Variants in TJP1 observed in about 807,000 individuals in gnomAD.
The protein encoded by TJP1 is tight junction protein ZO-1.
TJP1 carries 43 observed loss-of-function variants against 194.2 expected under a neutral mutation model. That is an observed-to-expected ratio of 0.22 (90% CI 0.17 to 0.29). TJP1 has a LOEUF of 0.29. Ranked by LOEUF, TJP1 falls within the 10% of genes least tolerant of loss-of-function variation. The pLI is 1.00. For missense variants in TJP1, 1,971 were observed against 2,185.7 expected (o/e 0.90, Z 1.96); for synonymous variants, 801 against 779.0 (o/e 1.03, Z -0.47).
rs368275922 is a variant in TJP1 at position 29,880,869 on chromosome 15, A to G, written c.306+75363T>C. ...TGATGGACAGGTGGGTTGTTTCTATATCTTGGCTATTATGAATAATGCCGC... is the reference window on the plus strand; with the variant it reads ...TGATGGACAGGTGGGTTGTTTCTATGTCTTGGCTATTATGAATAATGCCGC... On this transcript the variant is annotated intron_variant, in intron 2 of 28. Transcript: ENST00000356107. Among the ~76,000 whole-genome samples, 18 of 152,316 alleles carry G rather than the reference A, an allele frequency of 1.2e-4. No homozygotes were observed. In the South Asian group the frequency reaches 3.5e-3, roughly 30 times the overall value.
chr15:29,754,441 T>C (rs138035679), intron 8 of TJP1, among the ~76,000 whole-genome samples: 1,959 of 152,074 alleles, frequency 0.013, 18 homozygotes, highest in Admixed American at 0.021. Context: ...GGTGATGAAA[T>C]AGTACGTACA....
intron 19 of TJP1, 142 bp downstream of exon 19, chr15:29,720,216 G>A (rs2042844693): frequency 1.8e-6 from 2 of 1,104,808 alleles, no homozygotes; most frequent in Admixed American, 2.7e-5. Flanking sequence ...TTAGAATTAA[G>A]CCCTTGGTAC....
chr15:29,743,830 T>C (rs1216291704), intron 8 of TJP1, among the ~76,000 whole-genome samples: 1 of 152,212 alleles, frequency 6.6e-6, no homozygotes, highest in African/African-American at 2.4e-5. Flanking sequence ...AAATACGTAA[T>C]AAATATGCAA....
intron 1 of TJP1, among the ~76,000 whole-genome samples, chr15:29,817,079 C>T (rs2049977649): frequency 6.6e-6 from 1 of 152,138 alleles, no homozygotes; most frequent in Non-Finnish European, 1.5e-5. Context: ...GTCTAATATC[C>T]AGAATCCACA....
chr15:29,776,761 T>C (rs770800175), intron 2 of TJP1, among the ~76,000 whole-genome samples: 8 of 152,196 alleles, frequency 5.3e-5, no homozygotes, highest in Non-Finnish European at 8.8e-5. Context: ...AATCATGTGT[T>C]AATATCACTA....
chr15:29,700,847 A>T lies in TJP1; in HGVS notation c.*748T>A, dbSNP rs1248045323. Reference sequence around the variant, plus strand: ...CACAACGTACTCAGTCTTTGTCATGATACAGTATCTAGATAATGCACAAAA... The same window carrying T: ...CACAACGTACTCAGTCTTTGTCATGTTACAGTATCTAGATAATGCACAAAA... On this transcript the variant is annotated 3_prime_UTR_variant, in exon 28 of 28. Transcript: ENST00000614355. 6.2e-6 allele frequency: 1 copy of T among 161,580 alleles called. No homozygotes were observed. Among genetic ancestry groups the T allele is most frequent in the East Asian group, 1.7e-4 (1 of 5,716 alleles). The allele number at this position is 161,580 out of a possible 1,614,324, so 10.0% of individuals were successfully genotyped here.
At chr15:29,955,315 T>G (rs1257526252) in intron 2 of TJP1, among the ~76,000 whole-genome samples, 1 of 152,190 alleles carries the variant, frequency 6.6e-6, no homozygotes, top group Non-Finnish European at 1.5e-5. Context: ...TTGAACCTTA[T>G]GATACACCAA....
At chr15:29,826,319 G>T (rs139577845), upstream of TJP1, among the ~76,000 whole-genome samples, 10 of 152,190 alleles carry the variant, frequency 6.6e-5, no homozygotes, top group East Asian at 1.9e-3. Context: ...AACCAGGCAG[G>T]TCGGAAGCTC....
At chr15:29,802,086 T>C (rs1446898441) in intron 1 of TJP1, among the ~76,000 whole-genome samples, 2 of 152,294 alleles carry the variant, frequency 1.3e-5, no homozygotes, top group Non-Finnish European at 1.5e-5. Context: ...TCTCTTAATG[T>C]TACCATTTTA....
intron 2 of TJP1, among the ~76,000 whole-genome samples, chr15:29,794,808 G>A (rs2048302605): frequency 1.3e-5 from 2 of 151,968 alleles, no homozygotes; most frequent in South Asian, 4.1e-4. Flanking sequence ...CTCGCTTCCA[G>A]TAAAAAAAAC....
intron 1 of TJP1, among the ~76,000 whole-genome samples, chr15:29,814,639 A>G (rs1392866654): frequency 6.6e-6 from 1 of 152,140 alleles, no homozygotes; most frequent in Non-Finnish European, 1.5e-5. Context: ...TTTTTTTAAA[A>G]AGGAAAAAAT....
At chr15:29,911,055 G>A (rs908032033) in intron 2 of TJP1, among the ~76,000 whole-genome samples, 1 of 152,224 alleles carries the variant, frequency 6.6e-6, no homozygotes, top group African/African-American at 2.4e-5. Flanking sequence ...CTTAGGGAGA[G>A]CAGATGCAAA....
At position 29,929,563 on chromosome 15, in the gene TJP1, G is replaced by A. The variant is rs550230805; in HGVS notation, c.306+26669C>T. Among the ~76,000 whole-genome samples, 78 of 152,164 alleles carry A rather than the reference G, an allele frequency of 5.1e-4. 5 individuals are homozygous for A. The highest frequency in any genetic ancestry group is 1.2e-3 in the African/African-American group (49 of 41,518). On this transcript the variant is annotated intron_variant, in intron 2 of 28. Transcript: ENST00000356107. Reference sequence around the variant, plus strand: ...AATACAAAAGTTAGCTGGGTGTGGCGGTGAATGTCTGTAATTCTAGCTACT... The same window carrying A: ...AATACAAAAGTTAGCTGGGTGTGGCAGTGAATGTCTGTAATTCTAGCTACT...
intron 24 of TJP1, among the ~76,000 whole-genome samples, chr15:29,710,290 A>C (rs983868592): frequency 1.5e-4 from 23 of 152,214 alleles, no homozygotes; most frequent in Admixed American, 1.5e-3. Flanking sequence ...CTGCTTGAAG[A>C]CTCACAAGCC....
intron 8 of TJP1, chr15:29,758,855 A>T (rs1269247238): frequency 6.6e-6 from 1 of 152,182 alleles, no homozygotes; most frequent in Admixed American, 6.5e-5. Context: ...ATATTCCTTT[A>T]AAAAATCATT....
intron 2 of TJP1, among the ~76,000 whole-genome samples, chr15:29,949,622 ACCT>A (rs2055531891): frequency 3.2e-5 from 3 of 94,036 alleles, no homozygotes; most frequent in South Asian, 4.0e-4. Flanking sequence ...CACCACCACC[ACCT>A]CCACCTCCAC....
chr15:29,885,863 C>T (rs547360612), intron 2 of TJP1, among the ~76,000 whole-genome samples: 1 of 152,278 alleles, frequency 6.6e-6, no homozygotes, highest in East Asian at 1.9e-4. Context: ...CATGTCGCCC[C>T]ATCTGTAGTA....
In TJP1 at chr15:29,741,379, G is replaced by A. The variant is rs750134025; in HGVS notation, c.1208C>T (p.Pro403Leu). ...GQPDVDLPVS[P>L]SDGVLPNSTH... ...TGAATTAGGTAGGACACCATCAGAT[G>A]GACTGACAGGTAAATCCACATCTGG... The change falls in exon 10 of 28, where the codon CCA (proline) becomes CTA (leucine). Residue 403 changes from proline (P) to leucine (L), a missense_variant. Around this residue, in one of 5 missense-constraint regions of TJP1, gnomAD observed 192 missense variants for 182.3 expected, o/e 1.05. Transcript: ENST00000614355. The A allele has an allele frequency of 6.3e-7, 1 of 1,599,924 alleles. No homozygotes were observed. The highest frequency in any genetic ancestry group is 8.5e-7 in the Non-Finnish European group (1 of 1,176,212).
Position 29,773,233 on chromosome 15 carries a change from T to G in TJP1, c.209A>C (p.Gln70Pro). Residue 70 changes from glutamine to proline, a missense_variant and splice_region_variant, in exon 3 of 28, where the codon CAG (glutamine) becomes CCG (proline). Gln to Pro is a moderately conservative substitution (Grantham distance 76, BLOSUM62 -1). Transcript: ENST00000614355. Reference protein sequence around the residue: ...LKGGPAEGQLQENDRVAMVNG... With the variant: ...LKGGPAEGQLPENDRVAMVNG... ...TGCCCACGATAAGCAGCACTCTTAC[T>G]GTAGCTGTCCTTCAGCTGGTCCTCC... is the stretch of plus-strand genomic sequence containing the variant. 6.2e-7 allele frequency: 1 copy of G among 1,613,894 alleles called. No homozygotes were observed. The highest frequency in any genetic ancestry group is 1.3e-5 in the African/African-American group (1 of 75,034).
Sources: gnomAD v4.1 joint callset for allele counts (sites outside exome capture counted in the v4.1 genomes callset) on GRCh38, gnomAD v4.1.1 for gene constraint, gnomAD v4.1.1 regional missense constraint, MANE v1.5 for transcripts, NCBI Gene and HGNC (gene_info 2026-07-23, HGNC 2026-07-21) for gene names.